Variants in TUBA1C observed in about 807,000 individuals in gnomAD.
TUBA1C encodes tubulin alpha-1C chain.
TUBA1C carries 16 observed loss-of-function variants against 34.9 expected under a neutral mutation model. The observed-to-expected ratio is 0.46, with a 90% CI of 0.31 to 0.70. The LOEUF (loss-of-function observed/expected upper bound fraction) is 0.70, where lower values mean the gene tolerates loss of function less well. TUBA1C is among the 30% of genes least tolerant of loss of function. The probability of loss-of-function intolerance (pLI) is 0.05; values close to 1 mark genes in which losing one functional copy is unlikely to be tolerated. For missense variants in TUBA1C, 329 were observed against 587.3 expected (o/e 0.56, Z 4.55); for synonymous variants, 177 against 215.9 (o/e 0.82, Z 1.58).
chr12:49,261,884 C>T (rs1048649523), upstream of TUBA1C, among the ~76,000 whole-genome samples: 2 of 152,142 alleles, frequency 1.3e-5, no homozygotes, highest in Admixed American at 1.3e-4. Flanking sequence ...AAGATTACAA[C>T]GAAAGCCCCA....
chr12:49,266,769 A>AT (rs1942920078), intron 1 of TUBA1C, among the ~76,000 whole-genome samples: 1 of 151,962 alleles, frequency 6.6e-6, no homozygotes, highest in Non-Finnish European at 1.5e-5. Flanking sequence ...GGATCTTTTG[A>AT]TCCCGGGAGG....
At chr12:49,229,231 T>C (rs773156926) in intron 1 of TUBA1C, among the ~76,000 whole-genome samples, 1 of 152,064 alleles carries the variant, frequency 6.6e-6, no homozygotes, top group African/African-American at 2.4e-5. Context: ...TGGAGTGCAG[T>C]GGCATAATCT....
intron 1 of TUBA1C, among the ~76,000 whole-genome samples, chr12:49,239,867 A>G (rs1442644957): frequency 1.3e-5 from 2 of 152,088 alleles, no homozygotes; most frequent in Non-Finnish European, 2.9e-5. Flanking sequence ...TCTCTCAGCA[A>G]AGGTTTTTTC....
chr12:49,271,699 A>T (rs959554752), intron 3 of TUBA1C, among the ~76,000 whole-genome samples: 1 of 152,184 alleles, frequency 6.6e-6, no homozygotes, highest in South Asian at 2.1e-4. Flanking sequence ...GCAGCTGCCA[A>T]ATCTTTACAA....
chr12:49,262,693 T>C (rs143321880), upstream of TUBA1C, among the ~76,000 whole-genome samples: 163 of 152,160 alleles, frequency 1.1e-3, 3 homozygotes, highest in East Asian at 0.027. Context: ...GACAGGAGAA[T>C]TGCTTGAACC....
At chr12:49,234,873 A>T (rs1942535517) in intron 1 of TUBA1C, among the ~76,000 whole-genome samples, 1 of 152,160 alleles carries the variant, frequency 6.6e-6, no homozygotes. Flanking sequence ...GCTGGAGTGC[A>T]CTGGCGCGAT....
At chr12:49,270,403 C>T (rs57469889) in intron 3 of TUBA1C, among the ~76,000 whole-genome samples, 2,772 of 152,240 alleles carry the variant, frequency 0.018, 82 homozygotes, top group African/African-American at 0.062. Context: ...AAAGTGGAGT[C>T]GGGAGCTTCC....
chr12:49,229,483 C>T (rs1942472792), intron 1 of TUBA1C, among the ~76,000 whole-genome samples: 1 of 152,060 alleles, frequency 6.6e-6, no homozygotes, highest in Admixed American at 6.6e-5. Flanking sequence ...TATTTTTTAA[C>T]AGCATCACTT....
intron 3 of TUBA1C, 139 bp downstream of exon 3, chr12:49,270,115 G>T: frequency 3.3e-6 from 5 of 1,528,918 alleles, no homozygotes; most frequent in Non-Finnish European, 3.6e-6. Context: ...AAATTAATTG[G>T]ATTTCTGAAC....
chr12:49,235,792 C>G (rs1002436362), intron 1 of TUBA1C, among the ~76,000 whole-genome samples: 6 of 151,732 alleles, frequency 4.0e-5, no homozygotes, highest in Non-Finnish European at 8.8e-5. Context: ...ACCAGGCTGA[C>G]TCTCTGCAAG....
chr12:49,235,067 C>G (rs914109194), intron 1 of TUBA1C, among the ~76,000 whole-genome samples: 28 of 150,538 alleles, frequency 1.9e-4, no homozygotes, highest in Non-Finnish European at 3.5e-4. Context: ...CCGCCCGCCT[C>G]GGCCTCCCAA....
chr12:49,271,518 A>G (rs1942991272), intron 3 of TUBA1C, among the ~76,000 whole-genome samples: 1 of 152,210 alleles, frequency 6.6e-6, no homozygotes, highest in East Asian at 1.9e-4. Flanking sequence ...TATGCTGAGT[A>G]CTTACTTAAT....
At chr12:49,227,973 G>A (rs756146741) in exon 1 of TUBA1C, 1 of 1,535,582 alleles carries the variant, frequency 6.5e-7, no homozygotes, top group Admixed American at 2.0e-5. Context: ...TGGTTCAATG[G>A]GGTGGAGGAG....
chr12:49,243,822 T>C (rs909411842), intron 1 of TUBA1C, among the ~76,000 whole-genome samples: 7 of 152,026 alleles, frequency 4.6e-5, no homozygotes, highest in South Asian at 4.1e-4. Flanking sequence ...GTTTAGAACC[T>C]GGAAATTGAG....
chr12:49,244,209 G>A (rs183186168), intron 1 of TUBA1C, among the ~76,000 whole-genome samples: 322 of 150,980 alleles, frequency 2.1e-3, no homozygotes, highest in Middle Eastern at 0.014. Context: ...TGCAGAAACA[G>A]CTGAATTTTC....
chr12:49,261,957 GT>G (rs1942844369), upstream of TUBA1C, among the ~76,000 whole-genome samples: 1 of 152,102 alleles, frequency 6.6e-6, no homozygotes, highest in South Asian at 2.1e-4. Flanking sequence ...GAGGAAGCAT[GT>G]TTTCTCCTTT....
intron 1 of TUBA1C, among the ~76,000 whole-genome samples, chr12:49,246,462 G>A (rs1337782444): frequency 1.3e-5 from 2 of 150,608 alleles, no homozygotes; most frequent in African/African-American, 4.9e-5. Context: ...GGCGGATCAC[G>A]AGGTCAGGAG....
At chr12:49,260,569 T>G (rs1942831525), upstream of TUBA1C, among the ~76,000 whole-genome samples, 1 of 152,166 alleles carries the variant, frequency 6.6e-6, no homozygotes. Context: ...TTTTAAAGAC[T>G]GCAAACATTT....
At chr12:49,253,109 A>G (rs1044623104) in intron 1 of TUBA1C, among the ~76,000 whole-genome samples, 2 of 149,086 alleles carry the variant, frequency 1.3e-5, no homozygotes, top group Admixed American at 6.7e-5. Flanking sequence ...AAAAAAAAAG[A>G]CTTTCAGGAG....
Sources: gnomAD v4.1 joint callset for allele counts (sites outside exome capture counted in the v4.1 genomes callset) on GRCh38, gnomAD v4.1.1 for gene constraint, MANE v1.5 for transcripts, NCBI Gene and HGNC (gene_info 2026-07-23, HGNC 2026-07-21) for gene names.